Variants in IQUB observed in about 807,000 individuals in gnomAD.
IQUB encodes the protein IQ motif and ubiquitin domain containing, also known as IQ motif and ubiquitin-like domain-containing protein.
Under a neutral mutation model 86.4 loss-of-function variants are expected in IQUB, and 86 were observed. That is an observed-to-expected ratio of 1.00 (90% CI 0.84 to 1.19). IQUB has a LOEUF of 1.19. Among genes scored for constraint, IQUB ranks in the 50% most tolerant of loss-of-function variants. IQUB has a pLI of 0.00. For synonymous variants in IQUB, 289 were observed against 304.5 expected, an observed-to-expected ratio of 0.95 and a Z score of 0.53; for missense variants, 946 against 916.9, an observed-to-expected ratio of 1.03 and a Z score of -0.41.
At chr7:123,513,193 A>G (rs200186272) in intron 1 of IQUB, among the ~76,000 whole-genome samples, 1 of 152,068 alleles carries the variant, frequency 6.6e-6, no homozygotes, top group Non-Finnish European at 1.5e-5. Flanking sequence ...AAATAAATTC[A>G]CCCACAGCCA....
chr7:123,503,425 T>A (rs1796040626), intron 3 of IQUB, 62 bp from the exon 4 acceptor site: 1 of 890,860 alleles, frequency 1.1e-6, no homozygotes, highest in African/African-American at 1.7e-5. Context: ...TCATTGATCT[T>A]ATTTTTTGTT....
chr7:123,479,764 T>C (rs762132659), intron 8 of IQUB, 31 bp downstream of exon 8: 1 of 1,510,254 alleles, frequency 6.6e-7, no homozygotes, highest in Admixed American at 1.9e-5. Context: ...TCAGAATACA[T>C]TCATATTTAA....
At chr7:123,506,464 T>C (rs142649159) in intron 3 of IQUB, among the ~76,000 whole-genome samples, 258 of 152,284 alleles carry the variant, frequency 1.7e-3, no homozygotes, top group African/African-American at 5.7e-3. Flanking sequence ...TTCCATGGGC[T>C]GTACAGGAAG....
At chr7:123,458,589 A>G (rs62483330) in intron 11 of IQUB, among the ~76,000 whole-genome samples, 11,604 of 152,086 alleles carry the variant, frequency 0.076, 576 homozygotes, top group Middle Eastern at 0.12. Flanking sequence ...AATGTTTTAT[A>G]TATTTTACTT....
chr7:123,523,660 TC>T (rs1446762733), intron 1 of IQUB, among the ~76,000 whole-genome samples: 18 of 151,918 alleles, frequency 1.2e-4, no homozygotes, highest in Non-Finnish European at 2.5e-4. Flanking sequence ...GGTTGCCTGT[TC>T]ACTCTGATGG....
chr7:123,500,628 T>C (rs1386516380), intron 6 of IQUB, among the ~76,000 whole-genome samples: 1 of 152,186 alleles, frequency 6.6e-6, no homozygotes, highest in Non-Finnish European at 1.5e-5. Context: ...ATGTACTCCC[T>C]ATACCGGCTT....
chr7:123,505,728 G>A (rs1343393695), intron 3 of IQUB, among the ~76,000 whole-genome samples: 41 of 152,204 alleles, frequency 2.7e-4, no homozygotes, highest in Admixed American at 2.7e-3. Context: ...GGGCTGCCAT[G>A]AAGGTCTCTG....
intron 9 of IQUB, among the ~76,000 whole-genome samples, chr7:123,467,290 G>A (rs929983014): frequency 3.9e-5 from 6 of 151,982 alleles, no homozygotes; most frequent in East Asian, 1.9e-4. Flanking sequence ...GTTTGAGTGT[G>A]CTGCCCAGAT....
Position 123,499,538 on chromosome 7 carries a change from A to C in IQUB, c.1024-2632T>G, listed in dbSNP as rs570304075. Among the ~76,000 whole-genome samples, 8 of 152,218 alleles carry C rather than the reference A, an allele frequency of 5.3e-5. No homozygotes were observed. The South Asian group carries it at 1.7e-3, about 32-fold the overall frequency. Reference sequence around the variant, plus strand: ...GGACTCTCGGAAAGGGTACATCACCAAGTCTCAAGCATATTACAATAAGAT... The same window carrying C: ...GGACTCTCGGAAAGGGTACATCACCCAGTCTCAAGCATATTACAATAAGAT... On this transcript the variant is annotated intron_variant, in intron 6 of 12. Coordinates refer to ENST00000324698, the MANE Select transcript of IQUB (RefSeq NM_178827.5).
At chr7:123,484,313 T>G (rs1795126582) in intron 7 of IQUB, among the ~76,000 whole-genome samples, 1 of 152,076 alleles carries the variant, frequency 6.6e-6, no homozygotes, top group Non-Finnish European at 1.5e-5. Flanking sequence ...TAAGAGCTGA[T>G]AACTTTACCA....
At chr7:123,522,559 G>A (rs935062245) in intron 1 of IQUB, among the ~76,000 whole-genome samples, 1 of 152,136 alleles carries the variant, frequency 6.6e-6, no homozygotes, top group Non-Finnish European at 1.5e-5. Flanking sequence ...AGCAAACAGT[G>A]CCTGGCACAC....
At chr7:123,528,312 A>G (rs1279511656) in intron 1 of IQUB, among the ~76,000 whole-genome samples, 3 of 152,198 alleles carry the variant, frequency 2.0e-5, no homozygotes, top group Non-Finnish European at 4.4e-5. Context: ...GACCAGAGCT[A>G]TTCCTATTTG....
intron 8 of IQUB, among the ~76,000 whole-genome samples, chr7:123,479,115 A>G (rs1794882015): frequency 6.6e-6 from 1 of 152,132 alleles, no homozygotes; most frequent in African/African-American, 2.4e-5. Context: ...TAGAAGCACT[A>G]CAGGCTAACA....
intron 8 of IQUB, among the ~76,000 whole-genome samples, chr7:123,475,849 CA>C (rs776746919): frequency 1.3e-5 from 2 of 152,050 alleles, no homozygotes; most frequent in East Asian, 3.9e-4. Flanking sequence ...AAGCAGGATG[CA>C]AGGTAAAGCA....
At chr7:123,462,831 A>G in intron 10 of IQUB, 1 of 455,420 alleles carries the variant, frequency 2.2e-6, no homozygotes, top group Non-Finnish European at 4.4e-6. Context: ...TTCTCCACCC[A>G]TCTGAAATTG....
intron 1 of IQUB, among the ~76,000 whole-genome samples, chr7:123,522,391 C>A (rs1023835033): frequency 6.6e-6 from 1 of 152,184 alleles, no homozygotes. Flanking sequence ...AAACGCCAGA[C>A]CCCTCACAGT....
chr7:123,524,532 A>G (rs907722572), intron 1 of IQUB, among the ~76,000 whole-genome samples: 7 of 147,338 alleles, frequency 4.8e-5, no homozygotes, highest in Admixed American at 1.4e-4. Context: ...AATGCTTGTG[A>G]TTTTTGTACA....
chr7:123,530,911 A>G (rs1797510363), intron 1 of IQUB, among the ~76,000 whole-genome samples: 2 of 151,928 alleles, frequency 1.3e-5, no homozygotes, highest in Non-Finnish European at 2.9e-5. Flanking sequence ...TCCTGACCTC[A>G]GGTGCTCCGC....
intron 10 of IQUB, among the ~76,000 whole-genome samples, chr7:123,464,065 T>C (rs187194988): frequency 2.0e-4 from 30 of 151,870 alleles, no homozygotes; most frequent in African/African-American, 7.0e-4. Context: ...TGAGAATTTG[T>C]TTTTTCAAAA....
Sources: gnomAD v4.1 joint callset for allele counts (sites outside exome capture counted in the v4.1 genomes callset) on GRCh38, gnomAD v4.1.1 for gene constraint, MANE v1.5 for transcripts, NCBI Gene and HGNC (gene_info 2026-07-23, HGNC 2026-07-21) for gene names.